The following CENPE variants were observed in gnomAD, a reference collection of about 807,000 sequenced individuals.
The protein encoded by CENPE is centromere protein E.
Under a neutral mutation model 336.1 loss-of-function variants are expected in CENPE, and 145 were observed. That is an observed-to-expected ratio of 0.43 (90% CI 0.38 to 0.50). CENPE has a LOEUF of 0.50. Ranked by LOEUF, CENPE falls within the 20% of genes least tolerant of loss-of-function variation. The pLI is 0.00. For synonymous variants in CENPE, 1,013 were observed against 984.8 expected, an observed-to-expected ratio of 1.03 and a Z score of -0.54; for missense variants, 2,719 against 3,023.3, an observed-to-expected ratio of 0.90 and a Z score of 2.36.
At chr4:103,177,250 T>C (rs1755949949) in intron 13 of CENPE, among the ~76,000 whole-genome samples, 1 of 152,060 alleles carries the variant, frequency 6.6e-6, no homozygotes, top group African/African-American at 2.4e-5. Context: ...CCATTTTCTT[T>C]TTTTCCTACT....
chr4:103,154,979 T>A (rs1436379762), intron 24 of CENPE, among the ~76,000 whole-genome samples: 1 of 152,124 alleles, frequency 6.6e-6, no homozygotes, highest in Non-Finnish European at 1.5e-5. Flanking sequence ...CCATTTCCAC[T>A]CTTTTATTCC....
At chr4:103,169,760 T>C (rs940904773) in intron 16 of CENPE, among the ~76,000 whole-genome samples, 1 of 152,200 alleles carries the variant, frequency 6.6e-6, no homozygotes, top group Non-Finnish European at 1.5e-5. Flanking sequence ...AAATAACATT[T>C]GACTCAGCAA....
At chr4:103,163,608 C>CAAAAAAAAAAAAAAAAGA (rs1754651055) in intron 16 of CENPE, 55 bp from the exon 17 acceptor site, 26 of 304,448 alleles carry the variant, frequency 8.5e-5, no homozygotes, top group Admixed American at 2.1e-4. Flanking sequence ...TAAAGCAAAG[C>CAAAAAAAAAAAAAAAAGA]AAAAAAAAAA....
At chr4:103,194,971 G>A (rs1757628930) in intron 5 of CENPE, 143 bp downstream of exon 5, 1 of 716,026 alleles carries the variant, frequency 1.4e-6, no homozygotes, top group Non-Finnish European at 2.1e-6. Context: ...TTTAAAAGAT[G>A]AATATAAATA....
intron 45 of CENPE, among the ~76,000 whole-genome samples, chr4:103,115,731 CTTTT>C (rs749115745): frequency 1.4e-5 from 2 of 138,022 alleles, no homozygotes; most frequent in African/African-American, 2.7e-5. Context: ...GAACATATTT[CTTTT>C]TTTTTTTTTT....
chr4:103,158,272 G>A, intron 24 of CENPE, 28 bp downstream of exon 24: 1 of 1,557,038 alleles, frequency 6.4e-7, no homozygotes, highest in Non-Finnish European at 8.7e-7. Flanking sequence ...ACAAGCATAT[G>A]AAAACTCTGA....
intron 5 of CENPE, 107 bp from the exon 6 acceptor site, chr4:103,194,791 G>A: frequency 1.3e-6 from 1 of 770,870 alleles, no homozygotes; most frequent in Non-Finnish European, 2.0e-6. Context: ...AGTTAAAAGT[G>A]GCAAATGGAA....
intron 39 of CENPE, among the ~76,000 whole-genome samples, chr4:103,137,827 A>G (rs1018489452): frequency 3.3e-5 from 5 of 152,138 alleles, no homozygotes; most frequent in African/African-American, 1.2e-4. Flanking sequence ...CAATATAACA[A>G]TTAAGAGTCA....
intron 7 of CENPE, 23 bp downstream of exon 7, chr4:103,194,351 A>G: frequency 6.2e-7 from 1 of 1,607,986 alleles, no homozygotes; most frequent in Non-Finnish European, 8.5e-7. Context: ...GGAAAGATCT[A>G]ACAGATAGAT....
chr4:103,165,671 C>A (rs137871418), intron 16 of CENPE, among the ~76,000 whole-genome samples: 1 of 151,792 alleles, frequency 6.6e-6, no homozygotes, highest in Non-Finnish European at 1.5e-5. Context: ...TTTTAAGTAA[C>A]CTTAAATTTT....
intron 29 of CENPE, 27 bp from the exon 30 acceptor site, chr4:103,146,134 T>C: frequency 6.3e-7 from 1 of 1,591,364 alleles, no homozygotes; most frequent in South Asian, 1.1e-5. Context: ...AACAGTACAG[T>C]TGATATCCAG....
chr4:103,151,429 GA>G (rs1753560268), intron 25 of CENPE, 52 bp from the exon 26 acceptor site: 1 of 1,319,520 alleles, frequency 7.6e-7, no homozygotes, highest in African/African-American at 1.5e-5. Flanking sequence ...TAACATTTAT[GA>G]AATCAGGTAA....
Position 103,149,393 on chromosome 4 carries a change from C to T in CENPE, c.3412G>A (p.Glu1138Lys). The T allele has an allele frequency of 1.3e-6, 2 of 1,564,062 alleles. No homozygotes were observed. Among genetic ancestry groups the T allele is most frequent in the South Asian group, 2.4e-5 (2 of 82,324 alleles). ...ACATTAAGAAGTTGTTGCTGTTTTTCTTGGAGTTGCTGGCTCTTAAAATGC... is the reference window on the plus strand; with the variant it reads ...ACATTAAGAAGTTGTTGCTGTTTTTTTTGGAGTTGCTGGCTCTTAAAATGC... Reference protein sequence around the residue: ...KLKEKSQQLQEKQQQLLNVQE... With the variant: ...KLKEKSQQLQKKQQQLLNVQE... Residue 1138 changes from glutamate to lysine, a missense_variant, in exon 27 of 49, where the codon GAA becomes AAA. This residue lies in a region of CENPE where 2,437 missense variants were observed against 2,513.3 expected (regional missense o/e 0.97). Coordinates refer to ENST00000265148, the MANE Select transcript of CENPE (RefSeq NM_001813.3).
chr4:103,174,790 CT>C lies in CENPE; in HGVS notation c.1592del (p.Lys531ArgfsTer10). On this transcript the variant is annotated frameshift_variant, in exon 16 of 49. Coordinates refer to ENST00000265148, the MANE Select transcript of CENPE (RefSeq NM_001813.3). LOFTEE classifies it high-confidence loss of function. ...GAGCCTCAAATTCATCCAAATCATT[CT>C]TTTCTTTTAATTTCAATTCCATTTC... ...KEEMELKLKE[K>X]NDLDEFEALE... 1 of 1,554,934 alleles carries C rather than the reference CT, an allele frequency of 6.4e-7. No individual in the cohort carries two copies. Among genetic ancestry groups the C allele is most frequent in the Non-Finnish European group, 8.7e-7 (1 of 1,150,674 alleles).
At position 103,189,100 on chromosome 4, in the gene CENPE, T is replaced by C. The variant is rs1327662336; in HGVS notation, c.694-3239A>G. Among the ~76,000 whole-genome samples the C allele has an allele frequency of 1.3e-5, 2 of 152,040 alleles. 1 individual carries two copies. Among genetic ancestry groups the C allele is most frequent in the Non-Finnish European group, 2.9e-5 (2 of 67,988 alleles). ...CTCCCAAGACTAAATCAGGAAGAAG[T>C]GAATCTCTGAATAGACCAAAACAGG... On this transcript the variant is annotated intron_variant, in intron 8 of 48. Transcript: ENST00000265148.
At chr4:103,197,977 G>A (rs1486487774) in intron 1 of CENPE, among the ~76,000 whole-genome samples, 4 of 152,254 alleles carry the variant, frequency 2.6e-5, no homozygotes. Context: ...GGCGGGGAAT[G>A]GGGCAGGGAG....
In CENPE at chr4:103,174,724, T is replaced by C; in HGVS notation, c.1647+12A>G. On this transcript the variant is annotated intron_variant, in intron 16 of 48. Transcript: ENST00000265148. ...TGCTTTTAGTTTAGTTTTACATTTC[T>C]GTCTCTCTTACCTCTTGATCTTTTT... 2 of 1,476,158 alleles carry C rather than the reference T, an allele frequency of 1.4e-6. No individual in the cohort carries two copies. Among genetic ancestry groups the C allele is most frequent in the Non-Finnish European group, 9.0e-7 (1 of 1,108,498 alleles). The allele number at this position is 1,476,158 out of a possible 1,614,324, so 91.4% of individuals were successfully genotyped here. A position where few individuals can be genotyped will look rare whatever the true frequency, so the allele number is the denominator to read the frequency against.
intron 46 of CENPE, among the ~76,000 whole-genome samples, chr4:103,113,638 T>G (rs982252154): frequency 2.1e-5 from 3 of 145,324 alleles, no homozygotes; most frequent in African/African-American, 7.5e-5. Flanking sequence ...TACTTATATA[T>G]TATACACTTA....
intron 42 of CENPE, 46 bp from the exon 43 acceptor site, chr4:103,123,135 T>G (rs775531324): frequency 7.4e-7 from 1 of 1,353,902 alleles, no homozygotes; most frequent in Non-Finnish European, 1.1e-6. Context: ...CGATTTATAG[T>G]AGTCCCCACT....
Sources: allele counts gnomAD v4.1 joint callset (sites outside exome capture counted in the v4.1 genomes callset), GRCh38; gene constraint gnomAD v4.1.1; regional missense constraint gnomAD v4.1.1; transcripts MANE v1.5; gene names NCBI Gene and HGNC (gene_info 2026-07-23, HGNC 2026-07-21).